The following CSMD1 variants were observed in gnomAD, a reference collection of about 807,000 sequenced individuals.
CSMD1 encodes the protein CUB and sushi domain-containing protein 1.
A neutral mutation model predicts 417.5 loss-of-function variants in CSMD1; 213 were observed. That is an observed-to-expected ratio of 0.51 (90% CI 0.46 to 0.57). CSMD1 has a LOEUF of 0.57. CSMD1 is among the 20% of genes least tolerant of loss of function. CSMD1 has a pLI of 0.00. For synonymous variants in CSMD1, 2,862 were observed against 1,736.8 expected (o/e 1.65, Z -16.11); for missense variants, 6,923 against 4,529.7 (o/e 1.53, Z -15.17).
At chr8:4,083,208 T>C (rs1174661819) in intron 3 of CSMD1, among the ~76,000 whole-genome samples, 1 of 152,162 alleles carries the variant, frequency 6.6e-6, no homozygotes, top group Non-Finnish European at 1.5e-5. Context: ...CCACAATGGT[T>C]GAACTAGTTT....
chr8:3,514,504 G>A (rs1421927242), intron 10 of CSMD1, among the ~76,000 whole-genome samples: 1 of 152,078 alleles, frequency 6.6e-6, no homozygotes, highest in Non-Finnish European at 1.5e-5. Context: ...GACTAAAAAT[G>A]GCTTTAATGA....
At chr8:2,954,929 A>G (rs1802894865) in intron 64 of CSMD1, among the ~76,000 whole-genome samples, 4 of 152,210 alleles carry the variant, frequency 2.6e-5, no homozygotes, top group Admixed American at 2.6e-4. Context: ...ACTGTCTCAC[A>G]CGCCATCATT....
intron 11 of CSMD1, among the ~76,000 whole-genome samples, chr8:3,471,555 T>C (rs577145961): frequency 7.3e-6 from 1 of 137,464 alleles, no homozygotes; most frequent in Admixed American, 7.4e-5. Context: ...CTCCCTCCTC[T>C]CCCTCCCTCC....
chr8:4,626,542 G>T (rs1000064346), intron 2 of CSMD1, among the ~76,000 whole-genome samples: 5 of 152,044 alleles, frequency 3.3e-5, no homozygotes, highest in Non-Finnish European at 5.9e-5. Context: ...TAAAGCGGTT[G>T]TAAGAAGGAG....
chr8:3,504,512 C>G (rs79255317), intron 10 of CSMD1, among the ~76,000 whole-genome samples: 9,443 of 152,224 alleles, frequency 0.062, 409 homozygotes, highest in Admixed American at 0.14. Flanking sequence ...CATGGCAACC[C>G]TTCATAAAAA....
intron 52 of CSMD1, among the ~76,000 whole-genome samples, chr8:3,003,396 C>G (rs1261041904): frequency 6.6e-6 from 1 of 152,112 alleles, no homozygotes; most frequent in Non-Finnish European, 1.5e-5. Flanking sequence ...GAAAGCCTCT[C>G]TGTCTTCCCT....
At chr8:3,807,676 T>A (rs188478626) in intron 5 of CSMD1, among the ~76,000 whole-genome samples, 4 of 152,196 alleles carry the variant, frequency 2.6e-5, no homozygotes, top group African/African-American at 7.2e-5. Context: ...CATCTCTATA[T>A]AATTAAGTTT....
chr8:4,229,676 C>A (rs1473083997), intron 3 of CSMD1, among the ~76,000 whole-genome samples: 2 of 152,146 alleles, frequency 1.3e-5, no homozygotes, highest in African/African-American at 2.4e-5. Flanking sequence ...GAAGTTCGTT[C>A]TCACCATCTG....
At position 4,550,079 on chromosome 8, in the gene CSMD1, T is replaced by A. The variant is rs76896658; in HGVS notation, c.302+87263A>T. On this transcript the variant is annotated intron_variant, in intron 2 of 69. Transcript: ENST00000635120. ...CCTCAGAATTGGAACACCCCCATGT[T>A]TGGATAGGCGTGGGTTGCTCGGTAG... is the stretch of plus-strand genomic sequence containing the variant. 1.1e-3 allele frequency among the ~76,000 whole-genome samples: 164 copies of A among 151,946 alleles called. 1 individual carries two copies. Among genetic ancestry groups the A allele is most frequent in the African/African-American group, 3.9e-3 (162 of 41,436 alleles).
intron 2 of CSMD1, among the ~76,000 whole-genome samples, chr8:4,565,467 G>C (rs187414269): frequency 6.6e-6 from 1 of 152,132 alleles, no homozygotes; most frequent in African/African-American, 2.4e-5. Context: ...CCCAGGCATA[G>C]TGGCTCACAC....
chr8:4,137,248 G>C (rs1163829108), intron 3 of CSMD1, among the ~76,000 whole-genome samples: 1 of 152,080 alleles, frequency 6.6e-6, no homozygotes, highest in Non-Finnish European at 1.5e-5. Flanking sequence ...CTCTTTTCTG[G>C]TAGCTATGAG....
At chr8:4,180,482 A>T (rs567463468) in intron 3 of CSMD1, among the ~76,000 whole-genome samples, 29 of 151,568 alleles carry the variant, frequency 1.9e-4, no homozygotes, top group Middle Eastern at 3.4e-3. Context: ...ATGCTAAATG[A>T]CGAGTTAGTG....
Position 4,607,855 on chromosome 8 carries a change from CCTCA to C in CSMD1, c.302+29483_302+29486del. Reference sequence around the variant, plus strand: ...GTACTTTCACTATTTTCTGAATCTTCCTCACTATTTTCTGACTCTTCCTTGAATT... The same window carrying C: ...GTACTTTCACTATTTTCTGAATCTTCCTATTTTCTGACTCTTCCTTGAATT... On this transcript the variant is annotated intron_variant, in intron 2 of 69. Transcript: ENST00000635120. 1.3e-5 allele frequency among the ~76,000 whole-genome samples: 2 copies of C among 152,286 alleles called. 1 individual carries two copies. Among genetic ancestry groups the C allele is most frequent in the Middle Eastern group, 6.8e-3 (2 of 294 alleles).
intron 11 of CSMD1, among the ~76,000 whole-genome samples, chr8:3,470,357 T>G (rs1033317640): frequency 6.6e-6 from 1 of 152,208 alleles, no homozygotes; most frequent in East Asian, 1.9e-4. Flanking sequence ...AAATTTTTAT[T>G]AAGATAATTG....
At chr8:3,410,555 C>G (rs1448392663) in intron 12 of CSMD1, among the ~76,000 whole-genome samples, 1 of 152,146 alleles carries the variant, frequency 6.6e-6, no homozygotes, top group African/African-American at 2.4e-5. Context: ...TGCCTGCTGC[C>G]ATCATGTAAG....
At chr8:4,348,128 T>G (rs79881164) in intron 3 of CSMD1, among the ~76,000 whole-genome samples, 2,133 of 152,256 alleles carry the variant, frequency 0.014, 55 homozygotes, top group African/African-American at 0.049. Flanking sequence ...TTAGAAGTAT[T>G]AAAGAGAGAA....
intron 1 of CSMD1, among the ~76,000 whole-genome samples, chr8:4,642,086 G>C (rs916779014): frequency 6.6e-6 from 1 of 152,178 alleles, no homozygotes; most frequent in Non-Finnish European, 1.5e-5. Context: ...GAGGTGACCT[G>C]GTCAGCCTGT....
At chr8:3,991,796 T>C (rs954557606) in intron 5 of CSMD1, among the ~76,000 whole-genome samples, 1 of 152,190 alleles carries the variant, frequency 6.6e-6, no homozygotes, top group Non-Finnish European at 1.5e-5. Flanking sequence ...TGGGACTGTC[T>C]CTCTTCAAGT....
chr8:4,403,741 T>C (rs1001966550), intron 3 of CSMD1, among the ~76,000 whole-genome samples: 2 of 152,104 alleles, frequency 1.3e-5, no homozygotes, highest in African/African-American at 4.8e-5. Flanking sequence ...GATGACCTCA[T>C]CTTACTGCTA....
Sources: gnomAD v4.1 joint callset for allele counts (sites outside exome capture counted in the v4.1 genomes callset) on GRCh38, gnomAD v4.1.1 for gene constraint, MANE v1.5 for transcripts, NCBI Gene and HGNC (gene_info 2026-07-23, HGNC 2026-07-21) for gene names.